INSL6: variants seen among roughly 807,000 people sequenced by gnomAD.
The protein encoded by INSL6 is insulin like 6.
INSL6 carries 16 observed loss-of-function variants against 9.4 expected under a neutral mutation model. The observed-to-expected ratio is 1.70, with a 90% CI of 1.15 to 2.59. INSL6 has a LOEUF of 2.59. Among genes scored for constraint, INSL6 ranks in the 30% most tolerant of loss-of-function variants. INSL6 has a pLI of 0.00. For missense variants in INSL6, 391 were observed against 257.3 expected (o/e 1.52, Z -3.56); for synonymous variants, 154 against 96.9 (o/e 1.59, Z -3.46).
At chr9:5,115,928 G>A in the INSL6 span, among the ~76,000 whole-genome samples, 3 of 152,020 alleles carry the variant, frequency 2.0e-5, no homozygotes, top group South Asian at 4.2e-4. Flanking sequence ...GCTAGGGGAG[G>A]GATAGCTTTA....
chr9:5,061,612 T>C, the INSL6 span, among the ~76,000 whole-genome samples: 6 of 152,230 alleles, frequency 3.9e-5, no homozygotes, highest in African/African-American at 1.4e-4. Context: ...GGCTTTGGCT[T>C]AAGGGAATGT....
chr9:5,063,486 T>C, the INSL6 span, among the ~76,000 whole-genome samples: 13 of 152,336 alleles, frequency 8.5e-5, no homozygotes, highest in Non-Finnish European at 1.8e-4. Flanking sequence ...CTGGTAACTA[T>C]GTTTTCATCT....
intron 1 of INSL6, among the ~76,000 whole-genome samples, chr9:5,175,230 G>A (rs1380145389): frequency 2.6e-5 from 4 of 152,054 alleles, no homozygotes; most frequent in Admixed American, 6.5e-5. Flanking sequence ...ATGAGCCACC[G>A]CGTCTGGCCA....
At chr9:5,069,394 G>A in the INSL6 span, among the ~76,000 whole-genome samples, 1 of 152,084 alleles carries the variant, frequency 6.6e-6, no homozygotes, top group Non-Finnish European at 1.5e-5. Flanking sequence ...TGGTCTAGAA[G>A]TGACTTGAAG....
chr9:5,021,932 C>G, the INSL6 span: 1 of 1,334,224 alleles, frequency 7.5e-7, no homozygotes, highest in Non-Finnish European at 1.1e-6. Context: ...TGCGCCCAGC[C>G]CATTTGTAAC....
chr9:5,147,911 A>C (rs931960536), intron 2 of INSL6, among the ~76,000 whole-genome samples: 2 of 152,172 alleles, frequency 1.3e-5, no homozygotes, highest in African/African-American at 4.8e-5. Context: ...AGTCTTTCTT[A>C]AAATGGGTGT....
the INSL6 span, among the ~76,000 whole-genome samples, chr9:5,051,320 A>C: frequency 1.3e-5 from 2 of 152,296 alleles, no homozygotes; most frequent in Non-Finnish European, 2.9e-5. Context: ...GAACAGAAGA[A>C]ACACCTGGAG....
chr9:5,063,638 T>C, the INSL6 span, among the ~76,000 whole-genome samples: 1 of 152,220 alleles, frequency 6.6e-6, no homozygotes, highest in Non-Finnish European at 1.5e-5. Context: ...TTTTATGATA[T>C]TGAATTTTCC....
chr9:5,101,419 C>T, the INSL6 span, among the ~76,000 whole-genome samples: 1 of 152,370 alleles, frequency 6.6e-6, no homozygotes, highest in African/African-American at 2.4e-5. Context: ...CTCTGCAAGG[C>T]CTGCTGCCTT....
chr9:5,122,477 T>G (rs957920554), downstream of INSL6, among the ~76,000 whole-genome samples: 1 of 152,108 alleles, frequency 6.6e-6, no homozygotes, highest in Admixed American at 6.6e-5. Context: ...GAGCAGCTTA[T>G]TTTCACTTCT....
the INSL6 span, among the ~76,000 whole-genome samples, chr9:5,106,315 A>G: frequency 6.6e-6 from 1 of 152,278 alleles, no homozygotes; most frequent in Non-Finnish European, 1.5e-5. Context: ...ATCACTGGTC[A>G]TCAGAGAAAT....
chr9:4,993,786 T>TG, the INSL6 span, among the ~76,000 whole-genome samples: 1 of 152,206 alleles, frequency 6.6e-6, no homozygotes. Flanking sequence ...TTCATAACGT[T>TG]GATAAGAAAA....
chr9:5,111,108 C>G, the INSL6 span: 1 of 1,218,664 alleles, frequency 8.2e-7, no homozygotes, highest in East Asian at 2.9e-5. Context: ...ACCAGAACAG[C>G]TCCTCCTTTG....
At chr9:5,112,587 G>C in the INSL6 span, 1 of 728,210 alleles carries the variant, frequency 1.4e-6, no homozygotes, top group Non-Finnish European at 2.3e-6. Flanking sequence ...TCCCTTAAGA[G>C]GGCTCTTAAG....
At chr9:5,016,123 G>A in the INSL6 span, among the ~76,000 whole-genome samples, 2 of 152,114 alleles carry the variant, frequency 1.3e-5, no homozygotes, top group African/African-American at 4.8e-5. Flanking sequence ...ATAGACTATT[G>A]GAAGGGGAAC....
chr9:5,172,875 C>T (rs1005619728), intron 1 of INSL6, among the ~76,000 whole-genome samples: 1 of 151,688 alleles, frequency 6.6e-6, no homozygotes, highest in Admixed American at 6.6e-5. Context: ...CTGCAGTGAG[C>T]CGAGATCATG....
intron 1 of INSL6, among the ~76,000 whole-genome samples, chr9:5,165,215 AAC>A (rs1825024316): frequency 6.6e-6 from 1 of 152,194 alleles, no homozygotes; most frequent in African/African-American, 2.4e-5. Context: ...CATCTCAAAA[AAC>A]AAAAAAAAAG....
At chr9:5,031,270 A>G in the INSL6 span, among the ~76,000 whole-genome samples, 1 of 152,234 alleles carries the variant, frequency 6.6e-6, no homozygotes, top group African/African-American at 2.4e-5. Context: ...CTTACCTGGC[A>G]ATTGTAAAAT....
chr9:5,074,146 A>G, the INSL6 span, among the ~76,000 whole-genome samples: 1 of 152,170 alleles, frequency 6.6e-6, no homozygotes, highest in Non-Finnish European at 1.5e-5. Context: ...CAAAGCATAT[A>G]AATGATACAC....
Sources: allele counts gnomAD v4.1 joint callset (sites outside exome capture counted in the v4.1 genomes callset), GRCh38; gene constraint gnomAD v4.1.1; transcripts MANE v1.5; gene names NCBI Gene and HGNC (gene_info 2026-07-23, HGNC 2026-07-21).